FNDC3B: variants seen among roughly 807,000 people sequenced by gnomAD.
The protein encoded by FNDC3B is fibronectin type III domain-containing protein 3B.
FNDC3B carries 12 observed loss-of-function variants against 151.5 expected under a neutral mutation model. The ratio of observed to expected loss-of-function variants is 0.08; its 90% CI spans 0.05 to 0.13. The LOEUF (loss-of-function observed/expected upper bound fraction) is 0.13. FNDC3B is among the 10% of genes least tolerant of loss of function. The probability of loss-of-function intolerance (pLI) is 1.00; values close to 1 mark genes in which losing one functional copy is unlikely to be tolerated. For synonymous variants in FNDC3B, 528 were observed against 549.0 expected (o/e 0.96, Z 0.54); for missense variants, 1,214 against 1,505.3 (o/e 0.81, Z 3.20).
At chr3:172,372,625 G>A (rs6801840) in intron 23 of FNDC3B, among the ~76,000 whole-genome samples, 39,875 of 152,128 alleles carry the variant, frequency 0.26, 5,299 homozygotes, top group Middle Eastern at 0.39. Context: ...GAACATCACA[G>A]ATTTAGATGG....
chr3:172,225,182 A>G (rs1726491910), intron 3 of FNDC3B, among the ~76,000 whole-genome samples: 1 of 152,066 alleles, frequency 6.6e-6, no homozygotes, highest in Non-Finnish European at 1.5e-5. Context: ...GTTTTTAAAA[A>G]CTTTTTTGGG....
At chr3:172,351,727 T>C (rs1560094903) in intron 21 of FNDC3B, among the ~76,000 whole-genome samples, 1 of 152,192 alleles carries the variant, frequency 6.6e-6, no homozygotes, top group African/African-American at 2.4e-5. Flanking sequence ...ATACAGGATG[T>C]GCTGATGGCC....
At chr3:172,223,155 C>T (rs1471909390) in intron 3 of FNDC3B, among the ~76,000 whole-genome samples, 1 of 152,154 alleles carries the variant, frequency 6.6e-6, no homozygotes, top group African/African-American at 2.4e-5. Context: ...TAATATTGGG[C>T]ATTCTCAAAC....
intron 1 of FNDC3B, among the ~76,000 whole-genome samples, chr3:172,065,690 A>G (rs1160064881): frequency 6.6e-6 from 1 of 152,220 alleles, no homozygotes; most frequent in African/African-American, 2.4e-5. Flanking sequence ...TTTGAAAAGG[A>G]ATTACAAAGT....
At chr3:172,262,894 C>CAAAAAAAAAAAAAAAAAA (rs67891835) in intron 6 of FNDC3B, among the ~76,000 whole-genome samples, 2 of 60,608 alleles carry the variant, frequency 3.3e-5, no homozygotes, top group African/African-American at 1.3e-4. Context: ...GAGACCGACT[C>CAAAAAAAAAAAAAAAAAA]AAAAAAAAAA....
chr3:172,252,667 G>A (rs189026301), intron 6 of FNDC3B, among the ~76,000 whole-genome samples: 1 of 152,070 alleles, frequency 6.6e-6, no homozygotes. Context: ...TATCGCCGTC[G>A]GCATTTCCCC....
chr3:172,263,675 A>G (rs1229272831), intron 6 of FNDC3B, among the ~76,000 whole-genome samples: 1 of 148,828 alleles, frequency 6.7e-6, no homozygotes, highest in African/African-American at 2.5e-5. Flanking sequence ...GATGGCTCCA[A>G]TGTACTTGTA....
intron 3 of FNDC3B, among the ~76,000 whole-genome samples, chr3:172,152,142 T>TA (rs1355384935): frequency 1.3e-5 from 2 of 152,168 alleles, no homozygotes; most frequent in African/African-American, 4.8e-5. Context: ...TAAGTACCTA[T>TA]ATAACATTTC....
chr3:172,374,592 A>C (rs1057243607), intron 23 of FNDC3B, among the ~76,000 whole-genome samples: 1 of 152,028 alleles, frequency 6.6e-6, no homozygotes, highest in Non-Finnish European at 1.5e-5. Context: ...ATGGGGTTTC[A>C]CCATGCTGGC....
At chr3:172,090,477 CT>C (rs940071934) in intron 1 of FNDC3B, among the ~76,000 whole-genome samples, 2 of 152,116 alleles carry the variant, frequency 1.3e-5, no homozygotes, top group Non-Finnish European at 2.9e-5. Flanking sequence ...AGGACTTGTG[CT>C]TAGGAACACA....
At chr3:172,100,620 T>C (rs1559965594) in intron 1 of FNDC3B, among the ~76,000 whole-genome samples, 1 of 152,212 alleles carries the variant, frequency 6.6e-6, no homozygotes, top group Non-Finnish European at 1.5e-5. Context: ...CCTTACACAG[T>C]ATGTCTTTGC....
chr3:172,060,251 A>G (rs1354004472), intron 1 of FNDC3B, among the ~76,000 whole-genome samples: 2 of 152,198 alleles, frequency 1.3e-5, no homozygotes, highest in Non-Finnish European at 2.9e-5. Flanking sequence ...TGGTAGATTT[A>G]ATTTAAAAGT....
At chr3:172,103,038 T>TGAG (rs1438391550) in intron 1 of FNDC3B, among the ~76,000 whole-genome samples, 1 of 151,998 alleles carries the variant, frequency 6.6e-6, no homozygotes, top group African/African-American at 2.4e-5. Flanking sequence ...TGTCAGGGTG[T>TGAG]GAGATGTATT....
chr3:172,367,083 TG>T (rs1396585498), intron 23 of FNDC3B, among the ~76,000 whole-genome samples: 2 of 152,202 alleles, frequency 1.3e-5, no homozygotes, highest in African/African-American at 4.8e-5. Context: ...CTTGCTATGT[TG>T]AAAGGATTCT....
chr3:172,245,612 CTA>C (rs1437057457), intron 4 of FNDC3B, among the ~76,000 whole-genome samples: 1 of 152,100 alleles, frequency 6.6e-6, no homozygotes, highest in Admixed American at 6.5e-5. Flanking sequence ...GCATGCAGCT[CTA>C]TGTTTTAGAC....
At position 172,041,400 on chromosome 3, in the gene FNDC3B, TCTCC is replaced by T. The variant is rs1178453181; in HGVS notation, c.-29+1630_-29+1633del. 1.0e-3 allele frequency among the ~76,000 whole-genome samples: 148 copies of T among 147,760 alleles called. 2 individuals are homozygous for T. The highest frequency in any genetic ancestry group is 3.5e-3 in the Admixed American group (52 of 14,704). On this transcript the variant is annotated intron_variant, in intron 1 of 25. Transcript: ENST00000415807. The stretch of plus-strand genomic sequence containing the variant: ...CTTTCTTTCTTTTTCTTTCTTTCTT[TCTCC>T]TTCTCTCTCCTTCCTTCCTTCCTTC...
intron 6 of FNDC3B, among the ~76,000 whole-genome samples, chr3:172,262,919 A>AAAAAAAAAG (rs1728726434): frequency 6.7e-6 from 1 of 149,904 alleles, no homozygotes; most frequent in African/African-American, 2.5e-5. Context: ...AAAAAAAAAA[A>AAAAAAAAAG]AAAGCACTAG....
chr3:172,143,721 C>A (rs950757660), intron 3 of FNDC3B, among the ~76,000 whole-genome samples: 3 of 151,800 alleles, frequency 2.0e-5, no homozygotes, highest in African/African-American at 7.3e-5. Context: ...CCATCCTGGC[C>A]AACATGGTGA....
At chr3:172,106,528 C>T (rs1021942214) in intron 1 of FNDC3B, among the ~76,000 whole-genome samples, 1 of 152,152 alleles carries the variant, frequency 6.6e-6, no homozygotes, top group African/African-American at 2.4e-5. Context: ...AATTAATTTG[C>T]GTACTGTACT....
Sources: gnomAD v4.1 joint callset for allele counts (sites outside exome capture counted in the v4.1 genomes callset) on GRCh38, gnomAD v4.1.1 for gene constraint, MANE v1.5 for transcripts, NCBI Gene and HGNC (gene_info 2026-07-23, HGNC 2026-07-21) for gene names.